PEX5L: variants seen among roughly 807,000 people sequenced by gnomAD.
PEX5L encodes the protein peroxisomal biogenesis factor 5 like, also known as PEX5-related protein.
Under a neutral mutation model 84.0 loss-of-function variants are expected in PEX5L, and 30 were observed. That is an observed-to-expected ratio of 0.36 (90% CI 0.27 to 0.48). The LOEUF (loss-of-function observed/expected upper bound fraction) is 0.48. PEX5L is among the 20% of genes least tolerant of loss of function. The probability of loss-of-function intolerance (pLI) is 0.99; values close to 1 mark genes in which losing one functional copy is unlikely to be tolerated. For synonymous variants in PEX5L, 270 were observed against 283.1 expected (o/e 0.95, Z 0.46); for missense variants, 533 against 754.6 (o/e 0.71, Z 3.44).
rs1013297905 is a variant in PEX5L at position 180,033,188 on chromosome 3, A to G, written c.21+3391T>C. Among the ~76,000 whole-genome samples the G allele has an allele frequency of 4.6e-5, 7 of 152,330 alleles. No individual in the cohort carries two copies. The East Asian group carries it at 9.6e-4, about 21-fold the overall frequency. On this transcript the variant is annotated intron_variant, in intron 1 of 14. Coordinates refer to ENST00000467460, the MANE Select transcript of PEX5L (RefSeq NM_016559.3). ...CAAATGCAAAACTCCCCTGGGGGAA[A>G]ACAAATGGCTACTTTTTGGGCTGTT...
chr3:179,987,915 G>A (rs1435252438), intron 1 of PEX5L, among the ~76,000 whole-genome samples: 1 of 152,096 alleles, frequency 6.6e-6, no homozygotes, highest in African/African-American at 2.4e-5. Flanking sequence ...GTCAAATCAG[G>A]GTTCTAGCCT....
chr3:179,921,926 A>G (rs1274528748), intron 2 of PEX5L: 1 of 152,230 alleles, frequency 6.6e-6, no homozygotes, highest in Non-Finnish European at 1.5e-5. Context: ...ATTCCAGCCC[A>G]GAAATCATTT....
intron 1 of PEX5L, among the ~76,000 whole-genome samples, chr3:180,032,399 C>T (rs1414915348): frequency 1.3e-5 from 2 of 152,218 alleles, no homozygotes; most frequent in South Asian, 2.1e-4. Flanking sequence ...ACTGCTCACT[C>T]TCCTGAAAAT....
intron 14 of PEX5L, among the ~76,000 whole-genome samples, chr3:179,802,550 A>AAAAAAAAG (rs1553813985): frequency 3.8e-5 from 5 of 131,600 alleles, no homozygotes; most frequent in African/African-American, 6.0e-5. Flanking sequence ...AAAAAAAAAA[A>AAAAAAAAG]AAAAGAAAAG....
intron 1 of PEX5L, among the ~76,000 whole-genome samples, chr3:179,982,657 T>G (rs1192251580): frequency 6.6e-6 from 1 of 152,114 alleles, no homozygotes; most frequent in Admixed American, 6.5e-5. Flanking sequence ...TATCCCACAG[T>G]GAAAAATGTA....
intron 1 of PEX5L, among the ~76,000 whole-genome samples, chr3:180,018,462 C>T (rs967917904): frequency 6.6e-6 from 1 of 152,146 alleles, no homozygotes; most frequent in Non-Finnish European, 1.5e-5. Context: ...GGTGATATGG[C>T]CAGTCCTTCT....
At chr3:179,964,844 A>C (rs998381626) in intron 2 of PEX5L, among the ~76,000 whole-genome samples, 2 of 152,192 alleles carry the variant, frequency 1.3e-5, no homozygotes, top group African/African-American at 2.4e-5. Context: ...CACTTACCGC[A>C]CGCTACGTAC....
intron 2 of PEX5L, among the ~76,000 whole-genome samples, chr3:179,903,531 G>C (rs890323969): frequency 6.6e-6 from 1 of 152,062 alleles, no homozygotes; most frequent in African/African-American, 2.4e-5. Context: ...TACCTGGCAC[G>C]GTCTTTAGTT....
intron 9 of PEX5L, among the ~76,000 whole-genome samples, 160 bp downstream of exon 9, chr3:179,819,700 C>T (rs760894377): frequency 1.3e-5 from 2 of 152,174 alleles, no homozygotes; most frequent in African/African-American, 2.4e-5. Context: ...TGGATAATTA[C>T]GTTGTCTCAT....
At chr3:179,837,920 G>T (rs1404670379) in intron 8 of PEX5L, among the ~76,000 whole-genome samples, 1 of 152,158 alleles carries the variant, frequency 6.6e-6, no homozygotes, top group Admixed American at 6.5e-5. Context: ...TGGCTAAGGA[G>T]TGCATCCAAA....
chr3:179,855,381 C>T (rs1743531952), intron 8 of PEX5L, among the ~76,000 whole-genome samples: 1 of 152,154 alleles, frequency 6.6e-6, no homozygotes. Flanking sequence ...CATTCTTTGT[C>T]TTGAAATAAA....
At chr3:180,022,189 T>C (rs1252906447) in intron 1 of PEX5L, among the ~76,000 whole-genome samples, 1 of 152,232 alleles carries the variant, frequency 6.6e-6, no homozygotes, top group Non-Finnish European at 1.5e-5. Context: ...ATTTTTATAA[T>C]GTTACTTCTT....
chr3:179,856,640 T>C (rs539366322), intron 8 of PEX5L, among the ~76,000 whole-genome samples: 1 of 152,330 alleles, frequency 6.6e-6, no homozygotes, highest in Admixed American at 6.5e-5. Flanking sequence ...TTTGGAGGCA[T>C]GATTTACCAT....
chr3:179,918,498 C>T (rs1036537696), intron 2 of PEX5L, among the ~76,000 whole-genome samples: 9 of 152,098 alleles, frequency 5.9e-5, no homozygotes, highest in Non-Finnish European at 8.8e-5. Flanking sequence ...CTTTTTTAAG[C>T]GTCACTGAAG....
At chr3:180,020,894 T>G (rs1165148244) in intron 1 of PEX5L, among the ~76,000 whole-genome samples, 1 of 152,146 alleles carries the variant, frequency 6.6e-6, no homozygotes, top group African/African-American at 2.4e-5. Flanking sequence ...ATGAATTTGT[T>G]CAACAATTCT....
intron 2 of PEX5L, among the ~76,000 whole-genome samples, chr3:179,910,608 CTG>C (rs946383310): frequency 6.6e-6 from 1 of 152,182 alleles, no homozygotes; most frequent in Non-Finnish European, 1.5e-5. Flanking sequence ...GCCAGTATCT[CTG>C]TAGCATATTC....
At chr3:179,888,444 T>G (rs1313184663) in intron 3 of PEX5L, among the ~76,000 whole-genome samples, 2 of 152,212 alleles carry the variant, frequency 1.3e-5, no homozygotes, top group Admixed American at 6.5e-5. Context: ...TAGATTCAAT[T>G]GTGTTTTCCC....
chr3:179,827,191 C>T (rs1353431162), intron 8 of PEX5L, among the ~76,000 whole-genome samples: 6 of 152,176 alleles, frequency 3.9e-5, no homozygotes, highest in Admixed American at 1.3e-4. Context: ...TCTTTGAATG[C>T]CTGCCTTGAC....
intron 8 of PEX5L, among the ~76,000 whole-genome samples, chr3:179,837,340 A>C (rs973475401): frequency 6.6e-6 from 1 of 152,130 alleles, no homozygotes; most frequent in African/African-American, 2.4e-5. Context: ...TTGACTTCCT[A>C]CTGTGAACAG....
Sources: allele counts gnomAD v4.1 joint callset (sites outside exome capture counted in the v4.1 genomes callset), GRCh38; gene constraint gnomAD v4.1.1; transcripts MANE v1.5; gene names NCBI Gene and HGNC (gene_info 2026-07-23, HGNC 2026-07-21).